HIRA: variants seen among roughly 807,000 people sequenced by gnomAD.
The protein encoded by HIRA is protein HIRA.
HIRA carries 13 observed loss-of-function variants against 126.6 expected under a neutral mutation model. That is an observed-to-expected ratio of 0.10 (90% CI 0.07 to 0.16). The LOEUF is 0.16. Among genes scored for constraint, HIRA ranks in the 10% least tolerant of loss-of-function variants. HIRA has a pLI of 1.00. For synonymous variants in HIRA, 511 were observed against 520.0 expected, an observed-to-expected ratio of 0.98 and a Z score of 0.24; for missense variants, 834 against 1,314.4, an observed-to-expected ratio of 0.63 and a Z score of 5.65.
At chr22:19,378,154 C>A in intron 13 of HIRA, 88 bp from the exon 14 acceptor site, 1 of 940,766 alleles carries the variant, frequency 1.1e-6, no homozygotes, top group Non-Finnish European at 1.5e-6. Context: ...TTTCTAGGTC[C>A]AAAGGCAGTA....
chr22:19,426,904 G>C (rs1215311197), intron 1 of HIRA, among the ~76,000 whole-genome samples: 1 of 152,218 alleles, frequency 6.6e-6, no homozygotes, highest in East Asian at 1.9e-4. Context: ...TTCATGAACA[G>C]ATTAGGAAGA....
intron 13 of HIRA, among the ~76,000 whole-genome samples, chr22:19,380,274 T>C (rs2089060686): frequency 6.6e-6 from 1 of 152,194 alleles, no homozygotes; most frequent in Non-Finnish European, 1.5e-5. Flanking sequence ...AGAAACAAAC[T>C]ATAAGCTGTT....
rs573203152 is a variant in HIRA at position 19,423,190 on chromosome 22, C to T, written c.37+8250G>A. 1.9e-3 allele frequency among the ~76,000 whole-genome samples: 290 copies of T among 152,252 alleles called. 3 individuals carry two copies. Among genetic ancestry groups the T allele is most frequent in the African/African-American group, 6.6e-3 (273 of 41,534 alleles). On this transcript the variant is annotated intron_variant, in intron 1 of 24. Coordinates refer to ENST00000263208, the MANE Select transcript of HIRA (RefSeq NM_003325.4). ...CCTTTTCACTCAGGCTTTGCCAAAG[C>T]GTCCCACTTAAACCCGTCTATCCCC...
intron 5 of HIRA, among the ~76,000 whole-genome samples, chr22:19,402,945 A>AT (rs1284878482): frequency 6.6e-6 from 1 of 151,506 alleles, no homozygotes; most frequent in East Asian, 1.9e-4. Context: ...ATCTCTACGA[A>AT]AAAAAAAATC....
At chr22:19,382,196 C>T (rs2089079876) in intron 13 of HIRA, among the ~76,000 whole-genome samples, 1 of 152,150 alleles carries the variant, frequency 6.6e-6, no homozygotes, top group Non-Finnish European at 1.5e-5. Context: ...CCAAAAGGAT[C>T]AGGTCCTGAT....
rs782074548 is a variant in HIRA at position 19,355,831 on chromosome 22, C to T, written c.2490G>A (p.Thr830=). 1.5e-5 allele frequency: 24 copies of T among 1,613,724 alleles called. No homozygotes were observed. Among genetic ancestry groups the T allele is most frequent in the African/African-American group, 6.7e-5 (5 of 74,914 alleles). Residue 830 remains threonine, a synonymous_variant, in exon 21 of 25, where the codon ACG becomes ACA. Coordinates refer to ENST00000263208, the MANE Select transcript of HIRA (RefSeq NM_003325.4). ...SDMTVSQILL[T]QHGIPVMNLS... Reference sequence around the variant, plus strand: ...GGTTCATTACTGGGATTCCATGCTGCGTCAGCAAGATCTGTGATACCGTCA... The same window carrying T: ...GGTTCATTACTGGGATTCCATGCTGTGTCAGCAAGATCTGTGATACCGTCA...
At chr22:19,388,629 C>T in intron 9 of HIRA, 75 bp from the exon 10 acceptor site, 1 of 1,160,502 alleles carries the variant, frequency 8.6e-7, no homozygotes, top group Non-Finnish European at 1.3e-6. Flanking sequence ...TTAACATAAC[C>T]AACCTAGAAG....
At chr22:19,359,021 C>T (rs1556013514) in intron 18 of HIRA, among the ~76,000 whole-genome samples, 7 of 152,186 alleles carry the variant, frequency 4.6e-5, no homozygotes, top group Admixed American at 4.6e-4. Context: ...AGGCACACCT[C>T]AGTGTGGAAT....
chr22:19,411,016 T>A (rs2089347756), intron 1 of HIRA, among the ~76,000 whole-genome samples: 1 of 152,198 alleles, frequency 6.6e-6, no homozygotes, highest in Non-Finnish European at 1.5e-5. Context: ...TATGAGCTGT[T>A]CATGATTGAA....
At chr22:19,382,832 C>T (rs1014257909) in intron 13 of HIRA, among the ~76,000 whole-genome samples, 7 of 140,190 alleles carry the variant, frequency 5.0e-5, no homozygotes, top group African/African-American at 1.6e-4. Flanking sequence ...AATTCAAAAA[C>T]AATCTTCACT....
At position 19,423,743 on chromosome 22, in the gene HIRA, C is replaced by G. The variant is rs9618566; in HGVS notation, c.37+7697G>C. ...GCCTACCCTAGGTTTGTTAATGCATCGAGGCAGACAATGCTTTTAGGAGCA... is the reference window on the plus strand; with the variant it reads ...GCCTACCCTAGGTTTGTTAATGCATGGAGGCAGACAATGCTTTTAGGAGCA... On this transcript the variant is annotated intron_variant, in intron 1 of 24. Transcript: ENST00000263208. Among the ~76,000 whole-genome samples, 3 of 152,128 alleles carry G rather than the reference C, an allele frequency of 2.0e-5. No individual in the cohort carries two copies. In the East Asian group the frequency reaches 5.8e-4, roughly 29 times the overall value.
In HIRA at chr22:19,356,910, A is replaced by G. The variant is rs1556012722; in HGVS notation, c.2376T>C (p.Ala792=). The change falls in exon 19 of 25, where the codon GCT becomes GCC. Residue 792 remains alanine, a synonymous_variant. Transcript: ENST00000263208. ...CTGSYVMALT[A]AATLSVWDVH... Reference sequence around the variant, plus strand: ...CTCACCAGACAGAGAGTGTGGCTGCAGCGGTGAGCGCCATGACGTAGGAGC... The same window carrying G: ...CTCACCAGACAGAGAGTGTGGCTGCGGCGGTGAGCGCCATGACGTAGGAGC... The G allele has an allele frequency of 3.1e-6, 5 of 1,613,866 alleles. No individual in the cohort carries two copies. Among genetic ancestry groups the G allele is most frequent in the Non-Finnish European group, 4.2e-6 (5 of 1,179,978 alleles).
chr22:19,384,114 T>C (rs2089101727), intron 12 of HIRA, among the ~76,000 whole-genome samples: 1 of 151,990 alleles, frequency 6.6e-6, no homozygotes, highest in Non-Finnish European at 1.5e-5. Context: ...GGTCAGGAGA[T>C]CGAGACCATT....
At chr22:19,348,746 T>A (rs949775231) in intron 24 of HIRA, among the ~76,000 whole-genome samples, 1 of 151,964 alleles carries the variant, frequency 6.6e-6, no homozygotes, top group Admixed American at 6.6e-5. Context: ...CCGACCCCCT[T>A]GGCCTCCCAA....
intron 24 of HIRA, among the ~76,000 whole-genome samples, chr22:19,333,487 T>C (rs2088519499): frequency 6.6e-6 from 1 of 152,202 alleles, no homozygotes; most frequent in African/African-American, 2.4e-5. Flanking sequence ...AGGAATACTA[T>C]TTTAAAACTG....
rs565233912 is a variant in HIRA, at chr22:19,431,668, G to T, written c.-192C>A. ...CCGCCACAGCCGCCACCCGCGCTCG[G>T]CCGCCGCCGCCGCCACCACAGCCGC... On this transcript the variant is annotated 5_prime_UTR_variant, in exon 1 of 25. Coordinates refer to ENST00000263208, the MANE Select transcript of HIRA (RefSeq NM_003325.4). 2.1e-5 allele frequency: 9 copies of T among 431,110 alleles called. No individual in the cohort carries two copies. The highest frequency in any genetic ancestry group is 3.2e-5 in the Non-Finnish European group (9 of 285,546). 26.7% of individuals were successfully genotyped at this position (431,110 alleles called of 1,614,324 possible). A position where few individuals can be genotyped will look rare whatever the true frequency, so the allele number is the denominator to read the frequency against.
chr22:19,358,274 C>T (rs1261080606), intron 18 of HIRA, among the ~76,000 whole-genome samples: 1 of 152,204 alleles, frequency 6.6e-6, no homozygotes, highest in East Asian at 1.9e-4. Context: ...TCAAGCCAGC[C>T]CACTGCAAAG....
At chr22:19,417,849 T>C (rs981447925) in intron 1 of HIRA, among the ~76,000 whole-genome samples, 2 of 152,208 alleles carry the variant, frequency 1.3e-5, no homozygotes, top group Non-Finnish European at 2.9e-5. Flanking sequence ...GCAACCCAAG[T>C]GTCCCTTGAC....
In HIRA at chr22:19,357,024, T is replaced by G; in HGVS notation, c.2262A>C (p.Lys754Asn). The stretch of plus-strand genomic sequence containing the variant: ...AGGTGGAGAACACTGACAGCATCCT[T>G]TTTTCACAGGCGACACACACCACGT... ...SCDVVCVACEKRMLSVFSTCG... is the reference protein window; with the variant it reads ...SCDVVCVACENRMLSVFSTCG... The change falls in exon 19 of 25, where the codon AAA (lysine) becomes AAC (asparagine). Residue 754 changes from lysine (K) to asparagine (N), a missense_variant. Transcript: ENST00000263208. 1 of 1,614,006 alleles carries G rather than the reference T, an allele frequency of 6.2e-7. No homozygotes were observed. The highest frequency in any genetic ancestry group is 8.5e-7 in the Non-Finnish European group (1 of 1,179,998).
Sources: allele counts gnomAD v4.1 joint callset (sites outside exome capture counted in the v4.1 genomes callset), GRCh38; gene constraint gnomAD v4.1.1; transcripts MANE v1.5; gene names NCBI Gene and HGNC (gene_info 2026-07-23, HGNC 2026-07-21).